Variants in NOS1AP observed in about 807,000 individuals in gnomAD.
NOS1AP encodes nitric oxide synthase 1 adaptor protein.
Under a neutral mutation model 56.2 loss-of-function variants are expected in NOS1AP, and 21 were observed. That is an observed-to-expected ratio of 0.37 (90% confidence interval 0.26 to 0.54). The LOEUF is 0.54. Among genes scored for constraint, NOS1AP ranks in the 20% least tolerant of loss-of-function variants. The probability of loss-of-function intolerance (pLI) is 0.84; values close to 1 mark genes in which losing one functional copy is unlikely to be tolerated. For synonymous variants in NOS1AP, 270 were observed against 274.6 expected, an observed-to-expected ratio of 0.98 and a Z score of 0.17; for missense variants, 522 against 657.8, an observed-to-expected ratio of 0.79 and a Z score of 2.26.
chr1:162,319,619 G>C (rs946805967), intron 4 of NOS1AP, among the ~76,000 whole-genome samples: 1 of 152,038 alleles, frequency 6.6e-6, no homozygotes, highest in Non-Finnish European at 1.5e-5. Flanking sequence ...CTTCTGTCTC[G>C]GTGATGGATA....
At chr1:162,349,733 C>T (rs1421024051) in intron 6 of NOS1AP, among the ~76,000 whole-genome samples, 1 of 152,204 alleles carries the variant, frequency 6.6e-6, no homozygotes, top group Admixed American at 6.5e-5. Context: ...TACATGACCT[C>T]ATCTGTACAG....
intron 3 of NOS1AP, among the ~76,000 whole-genome samples, chr1:162,289,490 T>C (rs1655215729): frequency 8.5e-6 from 1 of 118,114 alleles, no homozygotes; most frequent in South Asian, 3.0e-4. Flanking sequence ...TTTTTTTTTT[T>C]TTGAGACGGA....
intron 2 of NOS1AP, among the ~76,000 whole-genome samples, chr1:162,164,862 C>G (rs6427657): frequency 0.98 from 149,457 of 152,294 alleles, 73,395 homozygotes; most frequent in East Asian, 1. Flanking sequence ...CTGCTGGGAG[C>G]GCAAACCTCT....
At chr1:162,164,882 G>A (rs941664454) in intron 2 of NOS1AP, among the ~76,000 whole-genome samples, 3 of 152,120 alleles carry the variant, frequency 2.0e-5, no homozygotes, top group Non-Finnish European at 4.4e-5. Flanking sequence ...TTTGATTCCT[G>A]CTGAAAGGCC....
intron 2 of NOS1AP, among the ~76,000 whole-genome samples, chr1:162,172,511 C>T (rs1382326908): frequency 2.0e-5 from 3 of 152,226 alleles, no homozygotes; most frequent in Admixed American, 2.0e-4. Context: ...GGCCATGACT[C>T]TGTGTTGCCA....
chr1:162,292,450 G>A (rs1341074049), intron 3 of NOS1AP, among the ~76,000 whole-genome samples: 1 of 152,198 alleles, frequency 6.6e-6, no homozygotes, highest in Non-Finnish European at 1.5e-5. Flanking sequence ...TTTGATGCAT[G>A]TTTACACTTA....
intron 2 of NOS1AP, among the ~76,000 whole-genome samples, chr1:162,264,054 C>T (rs1275688546): frequency 1.3e-5 from 2 of 152,226 alleles, no homozygotes; most frequent in Non-Finnish European, 2.9e-5. Context: ...CCTACATCTA[C>T]ATCAGACTTG....
chr1:162,166,120 T>C (rs1038353994), intron 2 of NOS1AP, among the ~76,000 whole-genome samples: 2 of 152,224 alleles, frequency 1.3e-5, no homozygotes, highest in Non-Finnish European at 2.9e-5. Context: ...TCTCTCCCTA[T>C]TCCTTCCTAC....
At chr1:162,114,529 AC>A (rs1246072140) in intron 1 of NOS1AP, among the ~76,000 whole-genome samples, 5 of 152,154 alleles carry the variant, frequency 3.3e-5, no homozygotes, top group Admixed American at 1.3e-4. Context: ...TCACAGCAAT[AC>A]CTTGATTAGT....
chr1:162,190,253 C>A (rs1308751170), intron 2 of NOS1AP, among the ~76,000 whole-genome samples: 1 of 152,214 alleles, frequency 6.6e-6, no homozygotes, highest in Non-Finnish European at 1.5e-5. Flanking sequence ...CTTGGCTCCG[C>A]CATCTCTCTA....
intron 2 of NOS1AP, among the ~76,000 whole-genome samples, chr1:162,183,559 T>G (rs915586090): frequency 1.3e-5 from 2 of 152,238 alleles, no homozygotes; most frequent in South Asian, 4.1e-4. Context: ...ATCTGTTGTT[T>G]AGTGTAGCCA....
intron 2 of NOS1AP, among the ~76,000 whole-genome samples, chr1:162,271,300 T>G (rs899789103): frequency 1.5e-5 from 2 of 136,394 alleles, no homozygotes; most frequent in African/African-American, 5.4e-5. Flanking sequence ...CCCCCCAGCA[T>G]GATCCTTGGG....
intron 2 of NOS1AP, among the ~76,000 whole-genome samples, chr1:162,200,414 G>T (rs1651955754): frequency 6.6e-6 from 1 of 152,174 alleles, no homozygotes; most frequent in South Asian, 2.1e-4. Flanking sequence ...TGCTGTCTGT[G>T]ACTCCTTGGG....
intron 2 of NOS1AP, among the ~76,000 whole-genome samples, chr1:162,270,386 T>TGTG (rs1374932874): frequency 4.6e-5 from 7 of 152,176 alleles, no homozygotes; most frequent in African/African-American, 1.7e-4. Context: ...GAATTTACAG[T>TGTG]GTGGTTGAGA....
At chr1:162,148,836 G>C (rs890505183) in intron 1 of NOS1AP, among the ~76,000 whole-genome samples, 50 of 152,204 alleles carry the variant, frequency 3.3e-4, no homozygotes, top group Non-Finnish European at 6.0e-4. Flanking sequence ...AAGTGAGAGA[G>C]GAAGATTTTC....
intron 3 of NOS1AP, among the ~76,000 whole-genome samples, chr1:162,296,340 A>T (rs369777675): frequency 5.9e-5 from 9 of 152,306 alleles, no homozygotes; most frequent in African/African-American, 2.2e-4. Flanking sequence ...TAACCAAAAC[A>T]TTGGTGAGTC....
chr1:162,112,400 C>A (rs1469730753), intron 1 of NOS1AP, among the ~76,000 whole-genome samples: 1 of 152,214 alleles, frequency 6.6e-6, no homozygotes, highest in African/African-American at 2.4e-5. Context: ...GCTCTAGGTT[C>A]TGATTCCTTT....
chr1:162,316,556 C>T lies in NOS1AP; in HGVS notation c.344+15850C>T, dbSNP rs185460449. 5.3e-5 allele frequency among the ~76,000 whole-genome samples: 8 copies of T among 152,272 alleles called. No individual in the cohort carries two copies. In the East Asian group the frequency reaches 1.2e-3, roughly 22 times the overall value. On this transcript the variant is annotated intron_variant, in intron 4 of 9. Coordinates refer to ENST00000361897, the MANE Select transcript of NOS1AP (RefSeq NM_014697.3). The stretch of plus-strand genomic sequence containing the variant: ...GTCTTACATGTCCATGTGAAGAGAC[C>T]CCCAAACAGGCTTTGTGTGAGCAAC...
chr1:162,150,043 T>C (rs945689198), intron 1 of NOS1AP, among the ~76,000 whole-genome samples: 3 of 152,200 alleles, frequency 2.0e-5, no homozygotes, highest in African/African-American at 7.2e-5. Context: ...TTGACTATAG[T>C]CATCCTATTG....
Sources: gnomAD v4.1 joint callset for allele counts (sites outside exome capture counted in the v4.1 genomes callset) on GRCh38, gnomAD v4.1.1 for gene constraint, MANE v1.5 for transcripts, NCBI Gene and HGNC (gene_info 2026-07-23, HGNC 2026-07-21) for gene names.